Variants in LRP1B observed in about 807,000 individuals in gnomAD.
LRP1B encodes the protein low-density lipoprotein receptor-related protein 1B.
LRP1B carries 217 observed loss-of-function variants against 556.6 expected under a neutral mutation model. The observed-to-expected ratio is 0.39, with a 90% CI of 0.35 to 0.44. The LOEUF is 0.44. Among genes scored for constraint, LRP1B ranks in the 20% least tolerant of loss-of-function variants. The pLI, the probability that LRP1B is intolerant of heterozygous loss-of-function variation, is 1.00. For missense variants in LRP1B, 5,053 were observed against 5,620.8 expected (o/e 0.90, Z 3.23); for synonymous variants, 2,047 against 1,865.8 (o/e 1.10, Z -2.50).
chr2:140,359,007 T>C (rs1682379694), intron 72 of LRP1B, 61 bp from the exon 73 acceptor site: 1 of 1,478,094 alleles, frequency 6.8e-7, no homozygotes, highest in Non-Finnish European at 9.2e-7. Context: ...ATGAAGAACA[T>C]TCTTCCTTTT....
At chr2:140,437,709 A>C (rs1287846596) in intron 66 of LRP1B, among the ~76,000 whole-genome samples, 1 of 152,208 alleles carries the variant, frequency 6.6e-6, no homozygotes, top group Non-Finnish European at 1.5e-5. Flanking sequence ...TCTACATAGA[A>C]TAGATAGATT....
At chr2:140,995,712 G>C (rs1474313968) in intron 15 of LRP1B, among the ~76,000 whole-genome samples, 1 of 151,942 alleles carries the variant, frequency 6.6e-6, no homozygotes, top group African/African-American at 2.4e-5. Flanking sequence ...AAAAACTCAG[G>C]CCTACTTAAG....
intron 41 of LRP1B, among the ~76,000 whole-genome samples, chr2:140,628,943 C>A (rs1339547128): frequency 6.6e-6 from 1 of 152,140 alleles, no homozygotes; most frequent in Non-Finnish European, 1.5e-5. Context: ...CACCTTCTAC[C>A]ATGATTGTAA....
At chr2:140,479,010 A>G (rs1688102271) in intron 59 of LRP1B, among the ~76,000 whole-genome samples, 1 of 151,918 alleles carries the variant, frequency 6.6e-6, no homozygotes. Flanking sequence ...TATGTAAGTT[A>G]TTACATGATT....
At chr2:141,637,759 G>T (rs987818971) in intron 2 of LRP1B, among the ~76,000 whole-genome samples, 4 of 152,156 alleles carry the variant, frequency 2.6e-5, no homozygotes, top group Non-Finnish European at 1.5e-5. Flanking sequence ...TTGGATGTTT[G>T]CCCTCTCTGA....
chr2:141,098,691 CTT>C (rs139581969), intron 7 of LRP1B, among the ~76,000 whole-genome samples: 9,406 of 152,226 alleles, frequency 0.062, 353 homozygotes, highest in South Asian at 0.11. Flanking sequence ...GAGTTTCACT[CTT>C]GTTGCCCAGG....
Position 140,933,729 on chromosome 2 carries a change from A to G in LRP1B, c.3137-10582T>C, listed in dbSNP as rs141242352. Among the ~76,000 whole-genome samples the G allele has an allele frequency of 3.6e-3, 555 of 152,246 alleles. 5 individuals carry two copies. Among genetic ancestry groups the G allele is most frequent in the African/African-American group, 0.013 (527 of 41,584 alleles). On this transcript the variant is annotated intron_variant, in intron 20 of 90. Coordinates refer to ENST00000389484, the MANE Select transcript of LRP1B (RefSeq NM_018557.3). ...ACCCAATACCAATTTTCTGCATAGTAAAAATAAAGATAATTGGCTTCTTTC... is the reference window on the plus strand; with the variant it reads ...ACCCAATACCAATTTTCTGCATAGTGAAAATAAAGATAATTGGCTTCTTTC...
chr2:140,898,983 T>C (rs1694026679), intron 23 of LRP1B: 2 of 377,122 alleles, frequency 5.3e-6, no homozygotes, highest in Admixed American at 6.5e-5. Context: ...AGAACTGTCT[T>C]GAGCTCAGCA....
chr2:140,522,692 A>G (rs1304742738), intron 49 of LRP1B, among the ~76,000 whole-genome samples: 1 of 151,648 alleles, frequency 6.6e-6, no homozygotes, highest in Non-Finnish European at 1.5e-5. Context: ...AAAAAAAGAG[A>G]TAAGTCTAAA....
chr2:140,412,576 G>T (rs1685009926), intron 66 of LRP1B, among the ~76,000 whole-genome samples: 1 of 151,990 alleles, frequency 6.6e-6, no homozygotes, highest in Admixed American at 6.6e-5. Context: ...AAGGGAAAAG[G>T]AAATTTTACT....
At chr2:142,044,114 C>G (rs976860242) in intron 1 of LRP1B, among the ~76,000 whole-genome samples, 2 of 151,668 alleles carry the variant, frequency 1.3e-5, no homozygotes, top group African/African-American at 4.8e-5. Flanking sequence ...AGACTTAATT[C>G]TTATCACAAA....
At chr2:141,481,265 C>A (rs1226675943) in intron 2 of LRP1B, among the ~76,000 whole-genome samples, 1 of 152,078 alleles carries the variant, frequency 6.6e-6, no homozygotes, top group African/African-American at 2.4e-5. Context: ...CATTCCAAAT[C>A]TTTATCAAGC....
At chr2:141,962,994 T>A (rs542200768) in intron 1 of LRP1B, among the ~76,000 whole-genome samples, 3 of 151,850 alleles carry the variant, frequency 2.0e-5, no homozygotes, top group African/African-American at 7.2e-5. Flanking sequence ...GGATTCATAC[T>A]TTTTTTAATC....
chr2:141,029,141 G>A (rs1423176159), intron 11 of LRP1B, among the ~76,000 whole-genome samples: 2 of 152,104 alleles, frequency 1.3e-5, no homozygotes, highest in Non-Finnish European at 2.9e-5. Context: ...GTGTTCAGGG[G>A]ATGAAAAGAG....
chr2:141,901,736 T>C (rs7562049), intron 1 of LRP1B, among the ~76,000 whole-genome samples: 9,398 of 151,876 alleles, frequency 0.062, 973 homozygotes, highest in African/African-American at 0.21. Context: ...TTAAAATTAG[T>C]ATTCATTATG....
intron 35 of LRP1B, among the ~76,000 whole-genome samples, chr2:140,742,006 C>A (rs1361003895): frequency 6.6e-6 from 1 of 152,098 alleles, no homozygotes; most frequent in African/African-American, 2.4e-5. Context: ...TTACTTAATC[C>A]GTTCATGGCT....
intron 2 of LRP1B, among the ~76,000 whole-genome samples, chr2:141,561,370 AT>A (rs1686141976): frequency 6.6e-6 from 1 of 151,802 alleles, no homozygotes; most frequent in Admixed American, 6.6e-5. Flanking sequence ...GTCTGGGCCT[AT>A]TTTATCTCTA....
Position 141,859,845 on chromosome 2 carries a change from G to A in LRP1B, c.83-49444C>T, listed in dbSNP as rs144763110. 2.4e-4 allele frequency among the ~76,000 whole-genome samples: 36 copies of A among 152,130 alleles called. 1 individual carries two copies. Among genetic ancestry groups the A allele is most frequent in the Non-Finnish European group, 2.9e-4 (20 of 67,974 alleles). On this transcript the variant is annotated intron_variant, in intron 1 of 90. Transcript: ENST00000389484. ...AGTGGTGAGAAAAGGAAGTTGACAGGTATTTTGTGTGATTTCTTTTCTACA... is the reference window on the plus strand; with the variant it reads ...AGTGGTGAGAAAAGGAAGTTGACAGATATTTTGTGTGATTTCTTTTCTACA...
At chr2:141,630,619 A>T (rs1384643143) in intron 2 of LRP1B, among the ~76,000 whole-genome samples, 1 of 152,238 alleles carries the variant, frequency 6.6e-6, no homozygotes, top group African/African-American at 2.4e-5. Flanking sequence ...GTCACGACAG[A>T]TGGTCCCTGA....
Sources: gnomAD v4.1 joint callset for allele counts (sites outside exome capture counted in the v4.1 genomes callset) on GRCh38, gnomAD v4.1.1 for gene constraint, MANE v1.5 for transcripts, NCBI Gene and HGNC (gene_info 2026-07-23, HGNC 2026-07-21) for gene names.